The following NLE1 variants were observed in gnomAD, a reference collection of about 807,000 sequenced individuals.
NLE1 encodes notchless protein homolog 1.
NLE1 carries 37 observed loss-of-function variants against 62.8 expected under a neutral mutation model. The observed-to-expected ratio is 0.59, with a 90% confidence interval of 0.45 to 0.78. NLE1 has a LOEUF of 0.78. Among genes scored for constraint, NLE1 ranks in the 30% least tolerant of loss-of-function variants. The pLI, the probability that NLE1 is intolerant of heterozygous loss-of-function variation, is 0.00. For synonymous variants in NLE1, 243 were observed against 253.0 expected (o/e 0.96, Z 0.37); for missense variants, 555 against 637.9 (o/e 0.87, Z 1.40).
chr17:35,137,813 C>T lies in NLE1; in HGVS notation c.537+1G>A. On this transcript the variant is annotated splice_donor_variant, in intron 5 of 12. Coordinates refer to ENST00000442241, the MANE Select transcript of NLE1 (RefSeq NM_018096.5). LOFTEE classifies it high-confidence loss of function. ...GCCTAGTTACCCTGAGAACTACCTA[C>T]CTGGCCATTCTTGCAGCCTGAGGCC... is the stretch of plus-strand genomic sequence containing the variant. The T allele has an allele frequency of 6.3e-7, 1 of 1,584,610 alleles. No homozygotes were observed. Among genetic ancestry groups the T allele is most frequent in the South Asian group, 1.1e-5 (1 of 90,470 alleles).
chr17:35,137,824 T>G lies in NLE1; in HGVS notation c.527A>C (p.Lys176Thr), dbSNP rs1383444815. 1 of 1,612,944 alleles carries G rather than the reference T, an allele frequency of 6.2e-7. No individual in the cohort carries two copies. The highest frequency in any genetic ancestry group is 1.3e-5 in the African/African-American group (1 of 74,848). The change falls in exon 5 of 13, where the codon AAG becomes ACG. Residue 176 changes from lysine (K) to threonine (T), a missense_variant. Lys to Thr is a moderately conservative substitution (Grantham distance 78). Transcript: ENST00000442241. ...PDGRKLASGC[K>T]NGQILLWDPS... is the part of the protein sequence containing the mutation. ...CTGAGAACTACCTACCTGGCCATTCTTGCAGCCTGAGGCCAGCTTCCTGCC... is the reference window on the plus strand; with the variant it reads ...CTGAGAACTACCTACCTGGCCATTCGTGCAGCCTGAGGCCAGCTTCCTGCC...
chr17:35,139,349 T>C (rs1212428301), intron 3 of NLE1, 35 bp from the exon 4 acceptor site: 2 of 1,510,136 alleles, frequency 1.3e-6, no homozygotes, highest in East Asian at 2.3e-5. Context: ...ACACTGCACA[T>C]GTGCATTTGT....
At chr17:35,136,556 C>A (rs1489764327) in intron 7 of NLE1, 59 bp from the exon 8 acceptor site, 4 of 1,561,480 alleles carry the variant, frequency 2.6e-6, no homozygotes, top group Admixed American at 3.6e-5. Context: ...GGGCGATTAG[C>A]CCCAGGAGAC....
At position 35,133,387 on chromosome 17, in the gene NLE1, A is replaced by G. The variant is rs775238574; in HGVS notation, c.1326T>C (p.Asp442=). The G allele has an allele frequency of 1.9e-6, 3 of 1,614,066 alleles. No individual in the cohort carries two copies. ...CCATGGCCAGCTTCTGGGCCTTCAC[A>G]TCCCACACCTTCAGTGTGCTGTCAC... ...GSSDSTLKVW[D]VKAQKLAMDL... The change falls in exon 11 of 13, where the codon GAT becomes GAC. Residue 442 remains aspartate, a synonymous_variant. Coordinates refer to ENST00000442241, the MANE Select transcript of NLE1 (RefSeq NM_018096.5).
intron 3 of NLE1, among the ~76,000 whole-genome samples, 182 bp from the exon 4 acceptor site, chr17:35,139,496 A>G (rs904438572): frequency 3.9e-5 from 6 of 152,250 alleles, no homozygotes; most frequent in Non-Finnish European, 7.3e-5. Flanking sequence ...CTCCACAGCT[A>G]TAACCAGCTT....
At chr17:35,141,875 GT>G (rs1017355575) in intron 2 of NLE1, 103 bp downstream of exon 2, 3 of 1,324,992 alleles carry the variant, frequency 2.3e-6, no homozygotes, top group Non-Finnish European at 3.1e-6. Context: ...GGTCACCACA[GT>G]CCGTTAGCGG....
intron 2 of NLE1, among the ~76,000 whole-genome samples, chr17:35,141,318 CG>C (rs2091942259): frequency 6.6e-6 from 1 of 152,060 alleles, no homozygotes; most frequent in Non-Finnish European, 1.5e-5. Context: ...GAGGCCAAGG[CG>C]GGAGGATCAC....
intron 12 of NLE1, 103 bp from the exon 13 acceptor site, chr17:35,132,552 CAG>C: frequency 1.0e-5 from 11 of 1,053,120 alleles, no homozygotes; most frequent in Non-Finnish European, 1.4e-5. Flanking sequence ...GGTCCACCCT[CAG>C]AGTCACCAAG....
In NLE1 at chr17:35,133,348, G is replaced by A. The variant is rs2306511; in HGVS notation, c.1365C>T (p.His455=). The change falls in exon 11 of 13, where the codon CAC becomes CAT. Residue 455 remains histidine (H), a synonymous_variant. Transcript: ENST00000442241. ...AQKLAMDLPG[H]ADEVYAVDWS... ...TGAGGGTTGGCCCTACCTCATCCGCGTGGCCGGGCAGGTCCATGGCCAGCT... is the reference window on the plus strand; with the variant it reads ...TGAGGGTTGGCCCTACCTCATCCGCATGGCCGGGCAGGTCCATGGCCAGCT... The A allele has an allele frequency of 5.5e-3, 8,925 of 1,614,138 alleles. 390 individuals carry two copies. The East Asian group carries it at 0.11, about 20-fold the overall frequency.
In NLE1 at chr17:35,130,207, G is replaced by A. The variant is rs1013268858; in HGVS notation, c.*2230C>T. 1 of 1,552,932 alleles carries A rather than the reference G, an allele frequency of 6.4e-7. No individual in the cohort carries two copies. The highest frequency in any genetic ancestry group is 2.3e-5 in the East Asian group (1 of 44,330). ...CTGAGTCAGCAGACAGAAAAAAAAGGGGTGATAGAGACAGAGAGAGAGCCA... is the reference window on the plus strand; with the variant it reads ...CTGAGTCAGCAGACAGAAAAAAAAGAGGTGATAGAGACAGAGAGAGAGCCA... On this transcript the variant is annotated 3_prime_UTR_variant, in exon 13 of 13. Transcript: ENST00000442241.
chr17:35,137,235 C>G, intron 6 of NLE1, 42 bp from the exon 7 acceptor site: 1 of 1,535,482 alleles, frequency 6.5e-7, no homozygotes. Context: ...GACCTGGCAA[C>G]ATCTGTGTGC....
intron 3 of NLE1, among the ~76,000 whole-genome samples, 169 bp from the exon 4 acceptor site, chr17:35,139,483 C>T (rs1389478788): frequency 6.6e-6 from 1 of 152,246 alleles, no homozygotes; most frequent in Admixed American, 6.5e-5. Flanking sequence ...CCATTTCTTT[C>T]CTCTCCACAG....
intron 6 of NLE1, 77 bp downstream of exon 6, chr17:35,137,466 T>C: frequency 8.1e-7 from 1 of 1,239,840 alleles, no homozygotes; most frequent in Non-Finnish European, 1.1e-6. Context: ...CACGTAAAAC[T>C]TCTATGCATT....
Position 35,130,436 on chromosome 17 carries a change from G to A in NLE1, c.*2001C>T, listed in dbSNP as rs141830915. On this transcript the variant is annotated 3_prime_UTR_variant, in exon 13 of 13. Transcript: ENST00000442241. ...CTGGAATACCTATTTCCCTGTTAAGGGGGAGGGCCCCAGGACACCCCTCAC... is the reference window on the plus strand; with the variant it reads ...CTGGAATACCTATTTCCCTGTTAAGAGGGAGGGCCCCAGGACACCCCTCAC... The A allele has an allele frequency of 1.4e-5, 23 of 1,613,194 alleles. No homozygotes were observed. The African/African-American group carries it at 2.4e-4, about 17-fold the overall frequency.
chr17:35,132,490 T>G (rs747145957), intron 12 of NLE1, 41 bp from the exon 13 acceptor site: 38 of 1,343,006 alleles, frequency 2.8e-5, no homozygotes, highest in Non-Finnish European at 9.6e-6. Context: ...GATTCCACCT[T>G]AGGAAAGGGA....
intron 5 of NLE1, 44 bp downstream of exon 5, chr17:35,137,770 A>G (rs1193872555): frequency 3.4e-6 from 5 of 1,488,774 alleles, no homozygotes; most frequent in Non-Finnish European, 4.7e-6. Context: ...TCTCCTAGGA[A>G]GGCCCCCTTG....
intron 3 of NLE1, among the ~76,000 whole-genome samples, chr17:35,139,629 T>C (rs1014656700): frequency 6.6e-6 from 1 of 152,126 alleles, no homozygotes; most frequent in African/African-American, 2.4e-5. Context: ...TCTTGAAAAA[T>C]CAAGTCTAGG....
chr17:35,140,089 A>T, intron 2 of NLE1, 23 bp from the exon 3 acceptor site: 1 of 1,609,074 alleles, frequency 6.2e-7, no homozygotes, highest in Non-Finnish European at 8.5e-7. Context: ...GGTAAAGGAC[A>T]AACCCGCAAC....
chr17:35,140,191 A>AC, intron 2 of NLE1, 125 bp from the exon 3 acceptor site: 1 of 1,036,390 alleles, frequency 9.6e-7, no homozygotes, highest in Non-Finnish European at 1.4e-6. Flanking sequence ...TGCTAGGGAT[A>AC]CCCCCATCAT....
Sources: allele counts gnomAD v4.1 joint callset (sites outside exome capture counted in the v4.1 genomes callset), GRCh38; gene constraint gnomAD v4.1.1; transcripts MANE v1.5; gene names NCBI Gene and HGNC (gene_info 2026-07-23, HGNC 2026-07-21).